Variants in PSMD14 observed in about 807,000 individuals in gnomAD.
The protein encoded by PSMD14 is ubiquitin C-terminal hydrolase PSMD14.
In PSMD14, 7 loss-of-function variants were observed where a neutral mutation model predicts 41.2. That is an observed-to-expected ratio of 0.17 (90% CI 0.10 to 0.32). The LOEUF (loss-of-function observed/expected upper bound fraction) is 0.32. PSMD14 is among the 10% of genes least tolerant of loss of function. PSMD14 has a pLI of 1.00. For missense variants in PSMD14, 139 were observed against 375.6 expected, an observed-to-expected ratio of 0.37 and a Z score of 5.21; for synonymous variants, 114 against 122.3, an observed-to-expected ratio of 0.93 and a Z score of 0.45.
At chr2:161,401,954 C>T (rs1683884982) in intron 10 of PSMD14, among the ~76,000 whole-genome samples, 1 of 152,164 alleles carries the variant, frequency 6.6e-6, no homozygotes, top group Non-Finnish European at 1.5e-5. Context: ...GTTTCCTTAT[C>T]TCTAAAATGA....
intron 8 of PSMD14, among the ~76,000 whole-genome samples, chr2:161,387,399 G>A (rs1319674475): frequency 6.6e-6 from 1 of 151,992 alleles, no homozygotes; most frequent in East Asian, 1.9e-4. Flanking sequence ...TTATTTTGAA[G>A]GGGGAGTTAG....
At chr2:161,380,707 T>C (rs991517556) in intron 7 of PSMD14, among the ~76,000 whole-genome samples, 1 of 152,084 alleles carries the variant, frequency 6.6e-6, no homozygotes, top group African/African-American at 2.4e-5. Context: ...TTCAGTGATA[T>C]GCATTTGGCA....
At chr2:161,398,283 A>T (rs996536870) in intron 10 of PSMD14, among the ~76,000 whole-genome samples, 1 of 152,124 alleles carries the variant, frequency 6.6e-6, no homozygotes, top group African/African-American at 2.4e-5. Context: ...CCAATTCTTC[A>T]TAGTATTCTT....
chr2:161,343,954 A>G (rs1384492481), intron 3 of PSMD14, among the ~76,000 whole-genome samples: 1 of 152,202 alleles, frequency 6.6e-6, no homozygotes, highest in African/African-American at 2.4e-5. Context: ...GAACATGTAC[A>G]CTTTTTCTTG....
intron 9 of PSMD14, among the ~76,000 whole-genome samples, chr2:161,392,317 G>C (rs4664422): frequency 0.91 from 138,967 of 152,226 alleles, 63,479 homozygotes; most frequent in East Asian, 1. Context: ...TGAGACCGCT[G>C]TCAAGTCAGA....
intron 3 of PSMD14, among the ~76,000 whole-genome samples, chr2:161,356,762 CT>C (rs4027150): frequency 0.073 from 10,454 of 143,764 alleles, 399 homozygotes; most frequent in African/African-American, 0.095. Context: ...ATTCAAACTC[CT>C]TTTTTTTTTT....
At chr2:161,408,110 A>C (rs1006071366) in intron 10 of PSMD14, 1 of 152,072 alleles carries the variant, frequency 6.6e-6, no homozygotes, top group Non-Finnish European at 1.5e-5. Flanking sequence ...AAGTAGTGGA[A>C]AGTGGTTTTC....
At chr2:161,392,710 A>C (rs959695150) in intron 9 of PSMD14, among the ~76,000 whole-genome samples, 1 of 152,100 alleles carries the variant, frequency 6.6e-6, no homozygotes. Flanking sequence ...GCTCTCTTCT[A>C]ATTGCCTGCC....
Position 161,395,164 on chromosome 2 carries a change from G to A in PSMD14, c.732G>A (p.Val244=). ...AACATTGTAAACACAATGAATCAGT[G>A]GTAAAAGAGATGTTGGAATTAGCCA... ...YSEHCKHNES[V]VKEMLELAKN... The change falls in exon 10 of 12, where the codon GTG becomes GTA. Residue 244 remains valine (V), a synonymous_variant. Coordinates refer to ENST00000409682, the MANE Select transcript of PSMD14 (RefSeq NM_005805.6). 1 of 1,596,542 alleles carries A rather than the reference G, an allele frequency of 6.3e-7. No individual in the cohort carries two copies. The highest frequency in any genetic ancestry group is 8.5e-7 in the Non-Finnish European group (1 of 1,171,126).
chr2:161,385,847 A>G (rs1683628147), intron 8 of PSMD14, among the ~76,000 whole-genome samples: 2 of 151,740 alleles, frequency 1.3e-5, no homozygotes, highest in African/African-American at 4.8e-5. Flanking sequence ...CTGGCTTTGC[A>G]TGGTTAACAT....
chr2:161,370,668 C>G (rs1022385390), intron 6 of PSMD14, among the ~76,000 whole-genome samples: 1 of 152,144 alleles, frequency 6.6e-6, no homozygotes, highest in Non-Finnish European at 1.5e-5. Context: ...GAAACAACTT[C>G]AAAATTAATG....
intron 10 of PSMD14, chr2:161,407,430 C>T (rs1173874489): frequency 6.6e-6 from 1 of 152,008 alleles, no homozygotes; most frequent in Admixed American, 6.6e-5. Flanking sequence ...AAATAAGTAT[C>T]CTTTGATAAT....
chr2:161,385,367 C>T, intron 7 of PSMD14, 97 bp from the exon 8 acceptor site: 2 of 557,126 alleles, frequency 3.6e-6, no homozygotes, highest in Middle Eastern at 2.8e-4. Context: ...GGATATAGTC[C>T]AGAAACAGAT....
chr2:161,358,135 T>A (rs1289428330), intron 3 of PSMD14, among the ~76,000 whole-genome samples: 3 of 152,098 alleles, frequency 2.0e-5, no homozygotes, highest in African/African-American at 7.2e-5. Flanking sequence ...CATTATATAA[T>A]TTTTTTAACC....
chr2:161,363,208 GT>G (rs1250777929), intron 3 of PSMD14, among the ~76,000 whole-genome samples: 1 of 152,196 alleles, frequency 6.6e-6, no homozygotes, highest in Admixed American at 6.5e-5. Flanking sequence ...AGGTGAAACA[GT>G]TTCATCTCAA....
At chr2:161,401,982 T>A (rs1683885592) in intron 10 of PSMD14, among the ~76,000 whole-genome samples, 1 of 152,200 alleles carries the variant, frequency 6.6e-6, no homozygotes, top group Non-Finnish European at 1.5e-5. Flanking sequence ...GATTGTGATA[T>A]ATGTGAAGTA....
chr2:161,333,757 G>A (rs1682828281), intron 3 of PSMD14, among the ~76,000 whole-genome samples: 1 of 152,242 alleles, frequency 6.6e-6, no homozygotes, highest in Non-Finnish European at 1.5e-5. Context: ...ATTTTGCCAG[G>A]TGTGGTGGCT....
chr2:161,316,193 C>G (rs1204112884), intron 1 of PSMD14, among the ~76,000 whole-genome samples: 7 of 152,186 alleles, frequency 4.6e-5, no homozygotes, highest in Admixed American at 4.6e-4. Context: ...TTTGAAATGT[C>G]TGTCTTCAAA....
At chr2:161,318,135 A>G (rs1179097585) in intron 2 of PSMD14, among the ~76,000 whole-genome samples, 1 of 152,218 alleles carries the variant, frequency 6.6e-6, no homozygotes, top group African/African-American at 2.4e-5. Context: ...ATTGAGAAGC[A>G]CAGTTGAATT....
Sources: gnomAD v4.1 joint callset for allele counts (sites outside exome capture counted in the v4.1 genomes callset) on GRCh38, gnomAD v4.1.1 for gene constraint, MANE v1.5 for transcripts, NCBI Gene and HGNC (gene_info 2026-07-23, HGNC 2026-07-21) for gene names.